PCDH9: variants seen among roughly 807,000 people sequenced by gnomAD.
PCDH9 encodes the protein protocadherin-9.
Under a neutral mutation model 70.6 loss-of-function variants are expected in PCDH9, and 24 were observed. The ratio of observed to expected loss-of-function variants is 0.34; its 90% CI spans 0.25 to 0.48. PCDH9 has a LOEUF of 0.48. Among genes scored for constraint, PCDH9 ranks in the 20% least tolerant of loss-of-function variants. PCDH9 has a pLI of 0.99. For missense variants in PCDH9, 1,281 were observed against 1,503.6 expected, an observed-to-expected ratio of 0.85 and a Z score of 2.45; for synonymous variants, 562 against 558.5, an observed-to-expected ratio of 1.01 and a Z score of -0.09.
intron 2 of PCDH9, among the ~76,000 whole-genome samples, chr13:67,012,174 A>G (rs181141373): frequency 3.5e-4 from 53 of 152,020 alleles, no homozygotes; most frequent in African/African-American, 1.2e-3. Context: ...CAACTTTGAA[A>G]GAATCGATTT....
intron 2 of PCDH9, among the ~76,000 whole-genome samples, chr13:67,149,743 CT>C: frequency 6.6e-6 from 1 of 151,896 alleles, no homozygotes; most frequent in East Asian, 1.9e-4. Flanking sequence ...AACTTTAAAG[CT>C]AAATAATGGC....
intron 2 of PCDH9, among the ~76,000 whole-genome samples, chr13:67,003,483 G>A (rs1347664540): frequency 2.6e-5 from 4 of 151,710 alleles, no homozygotes; most frequent in East Asian, 1.9e-4. Flanking sequence ...GTTTACTTTC[G>A]CATTTCACTC....
chr13:66,441,512 A>T (rs1355292986), intron 4 of PCDH9, among the ~76,000 whole-genome samples: 1 of 152,184 alleles, frequency 6.6e-6, no homozygotes, highest in Admixed American at 6.5e-5. Flanking sequence ...TTATTCTAAC[A>T]GAATTGATTT....
At chr13:66,346,559 T>G (rs1426801478) in intron 4 of PCDH9, among the ~76,000 whole-genome samples, 1 of 152,218 alleles carries the variant, frequency 6.6e-6, no homozygotes, top group Non-Finnish European at 1.5e-5. Flanking sequence ...TTGCCACTGC[T>G]GTATAAACCC....
intron 3 of PCDH9, among the ~76,000 whole-genome samples, chr13:66,713,217 G>A (rs2078819124): frequency 1.3e-5 from 2 of 151,980 alleles, no homozygotes; most frequent in Admixed American, 1.3e-4. Context: ...CTTACCAAGA[G>A]GTTTTAAAAT....
At chr13:67,119,296 T>C (rs968398352) in intron 2 of PCDH9, among the ~76,000 whole-genome samples, 1 of 152,112 alleles carries the variant, frequency 6.6e-6, no homozygotes, top group African/African-American at 2.4e-5. Flanking sequence ...ATTCCTTTTC[T>C]ATAAGCAGTC....
chr13:66,716,370 A>G (rs967403511), intron 3 of PCDH9, among the ~76,000 whole-genome samples: 2 of 152,198 alleles, frequency 1.3e-5, no homozygotes, highest in East Asian at 3.8e-4. Flanking sequence ...TGGCTTGTTT[A>G]CTAATTTGCA....
chr13:66,618,781 A>C (rs1011536685), intron 4 of PCDH9, among the ~76,000 whole-genome samples: 3 of 152,206 alleles, frequency 2.0e-5, no homozygotes, highest in Non-Finnish European at 4.4e-5. Flanking sequence ...GGAAGATTAC[A>C]TATCCAGGGT....
At chr13:66,880,644 T>C (rs1310667732) in intron 3 of PCDH9, among the ~76,000 whole-genome samples, 1 of 152,192 alleles carries the variant, frequency 6.6e-6, no homozygotes, top group Non-Finnish European at 1.5e-5. Flanking sequence ...TGACTTAAAC[T>C]ATCTCAAGGT....
At chr13:66,592,360 A>G (rs2077049407) in intron 4 of PCDH9, among the ~76,000 whole-genome samples, 1 of 151,610 alleles carries the variant, frequency 6.6e-6, no homozygotes, top group Admixed American at 6.6e-5. Context: ...GGTCTAAAAT[A>G]TTCTATTTCA....
At chr13:66,952,558 G>A (rs552776957) in intron 2 of PCDH9, among the ~76,000 whole-genome samples, 2 of 152,242 alleles carry the variant, frequency 1.3e-5, no homozygotes, top group Non-Finnish European at 2.9e-5. Context: ...CACGAAGCCA[G>A]ACAATTGCAA....
In PCDH9 at chr13:66,304,552, C is replaced by A. The variant is rs913059151; in HGVS notation, c.*103G>T. 18 of 886,832 alleles carry A rather than the reference C, an allele frequency of 2.0e-5. No homozygotes were observed. The highest frequency in any genetic ancestry group is 3.2e-5 in the Non-Finnish European group (18 of 562,336). 54.9% of individuals were successfully genotyped at this position (886,832 alleles called of 1,614,324 possible). On this transcript the variant is annotated 3_prime_UTR_variant, in exon 5 of 5. Transcript: ENST00000377865. ...TAACACAAAGTTATAGGTATCCCTG[C>A]TAGAAGGGGCATAGTTGTAGAGATC... is the stretch of plus-strand genomic sequence containing the variant.
intron 4 of PCDH9, among the ~76,000 whole-genome samples, chr13:66,415,608 C>G (rs1957447658): frequency 6.6e-6 from 1 of 152,190 alleles, no homozygotes; most frequent in Non-Finnish European, 1.5e-5. Flanking sequence ...TTATCCTTCT[C>G]TGTCTTCCTT....
At chr13:67,059,050 C>G (rs112898915) in intron 2 of PCDH9, among the ~76,000 whole-genome samples, 205 of 152,038 alleles carry the variant, frequency 1.3e-3, no homozygotes, top group African/African-American at 4.8e-3. Context: ...CTGGGAGAGT[C>G]TGAGCTCTCA....
At chr13:66,953,694 A>G (rs2083221429) in intron 2 of PCDH9, among the ~76,000 whole-genome samples, 1 of 151,966 alleles carries the variant, frequency 6.6e-6, no homozygotes, top group Non-Finnish European at 1.5e-5. Flanking sequence ...CTCATTTACC[A>G]CTTCATTCCC....
At chr13:66,658,732 G>T (rs113045620) in intron 3 of PCDH9, among the ~76,000 whole-genome samples, 3,119 of 152,070 alleles carry the variant, frequency 0.021, 122 homozygotes, top group African/African-American at 0.072. Flanking sequence ...TTTCTTAATG[G>T]TATATAAAAT....
Position 67,225,540 on chromosome 13 carries a change from G to C in PCDH9, c.2901C>G (p.Leu967=), listed in dbSNP as rs530659661. The C allele has an allele frequency of 3.5e-5, 56 of 1,614,164 alleles. 2 individuals are homozygous for C. The East Asian group carries it at 1.2e-3, about 35-fold the overall frequency. The change falls in exon 2 of 5, where the codon CTC becomes CTG. Residue 967 remains leucine (L), a synonymous_variant. Coordinates refer to ENST00000377865, the MANE Select transcript of PCDH9 (RefSeq NM_203487.3). ...SVKKHHVIQE[L]PLDNTFVGGC... is the part of the protein sequence containing the mutation. Reference sequence around the variant, plus strand: ...CCCCAACAAAGGTGTTGTCCAAAGGGAGTTCCTGAATCACGTGGTGCTTTT... The same window carrying C: ...CCCCAACAAAGGTGTTGTCCAAAGGCAGTTCCTGAATCACGTGGTGCTTTT...
chr13:66,638,807 A>G (rs2138957807), intron 3 of PCDH9, among the ~76,000 whole-genome samples: 1 of 152,296 alleles, frequency 6.6e-6, no homozygotes, highest in African/African-American at 2.4e-5. Context: ...CTCACGGGAA[A>G]AGTTACCTGT....
chr13:66,986,692 A>G (rs2083898043), intron 2 of PCDH9, among the ~76,000 whole-genome samples: 2 of 152,160 alleles, frequency 1.3e-5, no homozygotes, highest in South Asian at 4.1e-4. Flanking sequence ...AACAGATTTT[A>G]GGGTACTAAA....
Sources: gnomAD v4.1 joint callset for allele counts (sites outside exome capture counted in the v4.1 genomes callset) on GRCh38, gnomAD v4.1.1 for gene constraint, MANE v1.5 for transcripts, NCBI Gene and HGNC (gene_info 2026-07-23, HGNC 2026-07-21) for gene names.